The following PLXDC2 variants were observed in gnomAD, a reference collection of about 807,000 sequenced individuals.
PLXDC2 encodes the protein plexin domain-containing protein 2.
A neutral mutation model predicts 68.9 loss-of-function variants in PLXDC2; 40 were observed. The observed-to-expected ratio is 0.58, with a 90% CI of 0.45 to 0.76. PLXDC2 has a LOEUF of 0.76. Ranked by LOEUF, PLXDC2 falls within the 30% of genes least tolerant of loss-of-function variation. The pLI, the probability that PLXDC2 is intolerant of heterozygous loss-of-function variation, is 0.00. For synonymous variants in PLXDC2, 243 were observed against 234.2 expected (o/e 1.04, Z -0.34); for missense variants, 644 against 661.9 (o/e 0.97, Z 0.30).
chr10:20,138,649 A>G (rs1833963589), intron 4 of PLXDC2, among the ~76,000 whole-genome samples: 2 of 152,224 alleles, frequency 1.3e-5, no homozygotes, highest in South Asian at 2.1e-4. Context: ...GCAGTGGCTC[A>G]CACCTGTAAT....
chr10:20,156,305 G>GCA (rs971189559), intron 6 of PLXDC2, among the ~76,000 whole-genome samples: 6 of 152,072 alleles, frequency 3.9e-5, no homozygotes, highest in African/African-American at 1.5e-4. Flanking sequence ...AACTCAGAGG[G>GCA]CACACTTTTT....
At chr10:20,113,585 A>G (rs1313060020) in intron 4 of PLXDC2, among the ~76,000 whole-genome samples, 2 of 152,014 alleles carry the variant, frequency 1.3e-5, no homozygotes, top group Non-Finnish European at 2.9e-5. Flanking sequence ...ACCCCTCCTT[A>G]CTCATTTTCT....
chr10:20,084,827 A>G (rs1289125444), intron 4 of PLXDC2, among the ~76,000 whole-genome samples: 2 of 151,794 alleles, frequency 1.3e-5, no homozygotes, highest in East Asian at 2.0e-4. Context: ...AATGTGTACA[A>G]TGAAGGCTTT....
At chr10:20,012,335 G>GTTTTTTTTTTT in intron 2 of PLXDC2, among the ~76,000 whole-genome samples, 1 of 27,854 alleles carries the variant, frequency 3.6e-5, no homozygotes, top group Non-Finnish European at 6.7e-5. Flanking sequence ...TTTTTTTTTT[G>GTTTTTTTTTTT]GAGAAGGAGA....
At chr10:19,928,759 T>TTC (rs1241625050) in intron 1 of PLXDC2, among the ~76,000 whole-genome samples, 1 of 147,886 alleles carries the variant, frequency 6.8e-6, no homozygotes, top group Non-Finnish European at 1.5e-5. Flanking sequence ...CTTTTTTTTT[T>TTC]TTTTTTTTTT....
intron 3 of PLXDC2, among the ~76,000 whole-genome samples, chr10:20,052,678 G>A (rs1284886209): frequency 7.4e-6 from 1 of 134,982 alleles, no homozygotes; most frequent in Non-Finnish European, 1.5e-5. Flanking sequence ...AGCAGTTCAT[G>A]TAATTTGCAT....
intron 1 of PLXDC2, among the ~76,000 whole-genome samples, chr10:19,973,314 A>AGATATATGTATACATATATATGTG (rs1554849843): frequency 1.5e-5 from 2 of 136,934 alleles, no homozygotes; most frequent in East Asian, 4.2e-4. Context: ...ATATACTCAC[A>AGATATATGTATACATATATATGTG]TATATATGTA....
intron 2 of PLXDC2, among the ~76,000 whole-genome samples, chr10:20,012,445 G>A (rs966035107): frequency 2.7e-5 from 4 of 150,294 alleles, no homozygotes; most frequent in Non-Finnish European, 5.9e-5. Context: ...AGCCTCCTGA[G>A]GAGCTGGGAT....
At chr10:19,883,884 C>CCTTTTTTTTTTTTTTTTTTTTTTTTTT (rs1837786499) in intron 1 of PLXDC2, among the ~76,000 whole-genome samples, 1 of 55,090 alleles carries the variant, frequency 1.8e-5, no homozygotes, top group African/African-American at 9.2e-5. Flanking sequence ...TCCCTTTAAA[C>CCTTTTTTTTTTTTTTTTTTTTTTTTTT]TTTTTTTTTT....
chr10:20,144,918 C>G (rs1004497549), intron 5 of PLXDC2, among the ~76,000 whole-genome samples: 2 of 151,964 alleles, frequency 1.3e-5, no homozygotes, highest in Non-Finnish European at 1.5e-5. Flanking sequence ...ATACCTTGTT[C>G]CTAGGTAGCT....
intron 2 of PLXDC2, among the ~76,000 whole-genome samples, chr10:20,039,797 T>G (rs951259494): frequency 1.3e-5 from 2 of 152,338 alleles, no homozygotes; most frequent in African/African-American, 2.4e-5. Context: ...AATTCCATCA[T>G]CCAGAATTAA....
At chr10:19,905,444 G>A (rs1482522100) in intron 1 of PLXDC2, among the ~76,000 whole-genome samples, 1 of 152,142 alleles carries the variant, frequency 6.6e-6, no homozygotes, top group Non-Finnish European at 1.5e-5. Context: ...TGGGAAATAA[G>A]CAATTAAAGG....
Position 19,913,282 on chromosome 10 carries a change from A to G in PLXDC2, c.113-88493A>G, listed in dbSNP as rs538326977. Reference sequence around the variant, plus strand: ...GGTGTCAAGAGATCCGGGTGTTTAAAGGTGTGTAGCACCTCCCCTTTCTCT... The same window carrying G: ...GGTGTCAAGAGATCCGGGTGTTTAAGGGTGTGTAGCACCTCCCCTTTCTCT... On this transcript the variant is annotated intron_variant, in intron 1 of 13. Coordinates refer to ENST00000377252, the MANE Select transcript of PLXDC2 (RefSeq NM_032812.9). Among the ~76,000 whole-genome samples, 5 of 152,138 alleles carry G rather than the reference A, an allele frequency of 3.3e-5. No homozygotes were observed. The South Asian group carries it at 1.0e-3, about 32-fold the overall frequency.
chr10:19,883,263 C>A (rs888119430), intron 1 of PLXDC2, among the ~76,000 whole-genome samples: 1 of 149,394 alleles, frequency 6.7e-6, no homozygotes, highest in Non-Finnish European at 1.5e-5. Context: ...CGCCTGGCCA[C>A]TAAAATTTCT....
At chr10:20,215,663 A>T (rs1401654772) in intron 10 of PLXDC2, among the ~76,000 whole-genome samples, 1 of 152,128 alleles carries the variant, frequency 6.6e-6, no homozygotes, top group Non-Finnish European at 1.5e-5. Flanking sequence ...GGCTGAGTTG[A>T]GCTAGGACAT....
At chr10:20,060,026 A>G (rs952003317) in intron 3 of PLXDC2, among the ~76,000 whole-genome samples, 3 of 151,868 alleles carry the variant, frequency 2.0e-5, no homozygotes, top group Non-Finnish European at 4.4e-5. Context: ...TTTAGTTTAT[A>G]TTACTTTTAT....
intron 4 of PLXDC2, among the ~76,000 whole-genome samples, chr10:20,074,829 T>C (rs564131169): frequency 6.6e-6 from 1 of 151,374 alleles, no homozygotes; most frequent in Admixed American, 6.6e-5. Flanking sequence ...CCATTAACTT[T>C]CTGCATCTAG....
At position 20,161,109 on chromosome 10, in the gene PLXDC2, AT is replaced by A. The variant is rs560529669; in HGVS notation, c.784-3357del. Among the ~76,000 whole-genome samples the A allele has an allele frequency of 2.7e-3, 408 of 152,262 alleles. 1 individual carries two copies. The highest frequency in any genetic ancestry group is 1.7e-3 in the Non-Finnish European group (113 of 68,006). On this transcript the variant is annotated intron_variant, in intron 6 of 13. Coordinates refer to ENST00000377252, the MANE Select transcript of PLXDC2 (RefSeq NM_032812.9). The stretch of plus-strand genomic sequence containing the variant: ...TTGACTTTTAACAGAGAATGTATTG[AT>A]TGATATTGCTGTGTAATAAACCACC...
intron 2 of PLXDC2, among the ~76,000 whole-genome samples, chr10:20,021,948 T>G (rs1466944623): frequency 1.3e-5 from 2 of 152,074 alleles, no homozygotes. Context: ...CCGCCCACCT[T>G]GGCCTCCCAA....
Sources: allele counts gnomAD v4.1 joint callset (sites outside exome capture counted in the v4.1 genomes callset), GRCh38; gene constraint gnomAD v4.1.1; transcripts MANE v1.5; gene names NCBI Gene and HGNC (gene_info 2026-07-23, HGNC 2026-07-21).